RAB3C: variants seen among roughly 807,000 people sequenced by gnomAD.
RAB3C encodes the protein ras-related protein Rab-3C.
In RAB3C, 17 loss-of-function variants were observed where a neutral mutation model predicts 26.4. That is an observed-to-expected ratio of 0.64 (90% CI 0.44 to 0.97). RAB3C has a LOEUF of 0.97. RAB3C is among the 50% of genes least tolerant of loss of function. The pLI is 0.00. For synonymous variants in RAB3C, 91 were observed against 95.9 expected (o/e 0.95, Z 0.30); for missense variants, 242 against 281.9 (o/e 0.86, Z 1.01).
chr5:58,592,703 G>A (rs1369146533), intron 1 of RAB3C, among the ~76,000 whole-genome samples: 4 of 151,914 alleles, frequency 2.6e-5, no homozygotes, highest in African/African-American at 9.7e-5. Context: ...ATTTCTTGTT[G>A]ATTTTTTCAG....
rs777133241 is a variant in RAB3C, at chr5:58,851,395, ACAAACAG to A, written c.*47_*53del. The A allele has an allele frequency of 6.8e-7, 1 of 1,476,174 alleles. No homozygotes were observed. Among genetic ancestry groups the A allele is most frequent in the Non-Finnish European group, 9.1e-7 (1 of 1,097,098 alleles). 91.4% of individuals were successfully genotyped at this position (1,476,174 alleles called of 1,614,324 possible). ...CAGCTCCAGGGGGCTCTGGTTGCCAACAAACAGCATTTGTAAATGGTCTATTAGCCTT... is the reference window on the plus strand; with the variant it reads ...CAGCTCCAGGGGGCTCTGGTTGCCAACATTTGTAAATGGTCTATTAGCCTT... On this transcript the variant is annotated 3_prime_UTR_variant, in exon 5 of 5. Transcript: ENST00000282878.
At chr5:58,649,217 C>A (rs1170882792) in intron 2 of RAB3C, among the ~76,000 whole-genome samples, 1 of 152,104 alleles carries the variant, frequency 6.6e-6, no homozygotes, top group African/African-American at 2.4e-5. Flanking sequence ...GTCTGGTGAC[C>A]AAATGCCCAA....
At chr5:58,612,487 G>GGGGTGT (rs1746724744) in intron 1 of RAB3C, among the ~76,000 whole-genome samples, 1 of 113,048 alleles carries the variant, frequency 8.8e-6, no homozygotes, top group African/African-American at 4.0e-5. Context: ...TGTGTTCCTA[G>GGGGTGT]GTGTGTGTGT....
At chr5:58,763,005 G>A (rs1364071030) in intron 3 of RAB3C, among the ~76,000 whole-genome samples, 3 of 152,180 alleles carry the variant, frequency 2.0e-5, no homozygotes, top group Non-Finnish European at 4.4e-5. Context: ...TTTACATGGA[G>A]TAGAGCAATG....
At chr5:58,695,065 T>G (rs1483291543) in intron 2 of RAB3C, among the ~76,000 whole-genome samples, 1 of 152,232 alleles carries the variant, frequency 6.6e-6, no homozygotes, top group Non-Finnish European at 1.5e-5. Flanking sequence ...TGGTTTTAGG[T>G]CTAACATTTA....
chr5:58,667,153 C>T (rs1014684865), intron 2 of RAB3C, among the ~76,000 whole-genome samples: 1 of 152,126 alleles, frequency 6.6e-6, no homozygotes, highest in Non-Finnish European at 1.5e-5. Context: ...ATTGGTTTTA[C>T]GCACTGATGA....
At chr5:58,654,450 A>T (rs745880491) in intron 2 of RAB3C, among the ~76,000 whole-genome samples, 3 of 152,202 alleles carry the variant, frequency 2.0e-5, no homozygotes, top group Non-Finnish European at 4.4e-5. Context: ...TATATATGTG[A>T]TTATGCCATT....
At chr5:58,822,213 T>C (rs1743358542) in intron 3 of RAB3C, among the ~76,000 whole-genome samples, 2 of 152,170 alleles carry the variant, frequency 1.3e-5, no homozygotes, top group Non-Finnish European at 2.9e-5. Context: ...TTTTAATGAG[T>C]ATCATGGAAA....
At chr5:58,718,762 T>A (rs1261648885) in intron 2 of RAB3C, among the ~76,000 whole-genome samples, 3 of 152,062 alleles carry the variant, frequency 2.0e-5, no homozygotes, top group African/African-American at 4.8e-5. Flanking sequence ...TCACAGATGC[T>A]TGTATAACTG....
intron 3 of RAB3C, among the ~76,000 whole-genome samples, chr5:58,739,928 G>T (rs1288503490): frequency 6.6e-6 from 1 of 152,192 alleles, no homozygotes; most frequent in Admixed American, 6.5e-5. Context: ...TTAGTGGATG[G>T]TAGGAGAGGA....
chr5:58,706,842 T>G (rs553780913), intron 2 of RAB3C, among the ~76,000 whole-genome samples: 1 of 152,382 alleles, frequency 6.6e-6, no homozygotes, highest in East Asian at 1.9e-4. Context: ...AGTCAAAATC[T>G]ATACATATCC....
At chr5:58,694,118 T>A (rs1748639023) in intron 2 of RAB3C, among the ~76,000 whole-genome samples, 1 of 152,070 alleles carries the variant, frequency 6.6e-6, no homozygotes, top group Non-Finnish European at 1.5e-5. Context: ...TGGTGTGTGA[T>A]GTTCCCTGCC....
At chr5:58,650,321 T>C (rs1747617293) in intron 2 of RAB3C, among the ~76,000 whole-genome samples, 1 of 151,824 alleles carries the variant, frequency 6.6e-6, no homozygotes, top group Non-Finnish European at 1.5e-5. Flanking sequence ...GAGATCAGAG[T>C]CTATGAAGAA....
At chr5:58,758,856 CTT>C (rs572948810) in intron 3 of RAB3C, among the ~76,000 whole-genome samples, 2 of 145,202 alleles carry the variant, frequency 1.4e-5, no homozygotes, top group Admixed American at 6.9e-5. Context: ...GTTCCTTGGA[CTT>C]TTTTTTTTTT....
At position 58,799,004 on chromosome 5, in the gene RAB3C, C is replaced by T. The variant is rs1042717690; in HGVS notation, c.372-26034C>T. 3.3e-5 allele frequency among the ~76,000 whole-genome samples: 5 copies of T among 152,308 alleles called. No homozygotes were observed. In the East Asian group the frequency reaches 7.7e-4, roughly 24 times the overall value. On this transcript the variant is annotated intron_variant, in intron 3 of 4. Transcript: ENST00000282878. Reference sequence around the variant, plus strand: ...CAATAGCTAAATGTAATAATGTGTGCTCCTTAACTGGATCCTGGGGGGAAG... The same window carrying T: ...CAATAGCTAAATGTAATAATGTGTGTTCCTTAACTGGATCCTGGGGGGAAG...
At chr5:58,655,427 A>G (rs1434766240) in intron 2 of RAB3C, among the ~76,000 whole-genome samples, 1 of 152,222 alleles carries the variant, frequency 6.6e-6, no homozygotes, top group Non-Finnish European at 1.5e-5. Context: ...GAGACAGAGA[A>G]AGATAAAACC....
At position 58,731,717 on chromosome 5, in the gene RAB3C, C is replaced by T. The variant is rs551926748; in HGVS notation, c.371+5597C>T. On this transcript the variant is annotated intron_variant, in intron 3 of 4. Transcript: ENST00000282878. ...TATGAATAATGCATCTCAGGACAGA[C>T]TATCTGGTAGAAGGAAGGAAGAACT... Among the ~76,000 whole-genome samples, 3 of 152,268 alleles carry T rather than the reference C, an allele frequency of 2.0e-5. No homozygotes were observed. In the South Asian group the frequency reaches 6.2e-4, roughly 32 times the overall value.
chr5:58,620,251 A>T (rs2111727876), intron 2 of RAB3C, among the ~76,000 whole-genome samples: 2 of 152,284 alleles, frequency 1.3e-5, no homozygotes, highest in South Asian at 4.1e-4. Flanking sequence ...CATTACTATC[A>T]TTGCAATTAA....
At chr5:58,697,116 C>T (rs577126205) in intron 2 of RAB3C, among the ~76,000 whole-genome samples, 2 of 152,130 alleles carry the variant, frequency 1.3e-5, no homozygotes, top group Non-Finnish European at 2.9e-5. Context: ...GGTTCTGGTA[C>T]GTTGTGTCTT....
Sources: allele counts gnomAD v4.1 joint callset (sites outside exome capture counted in the v4.1 genomes callset), GRCh38; gene constraint gnomAD v4.1.1; transcripts MANE v1.5; gene names NCBI Gene and HGNC (gene_info 2026-07-23, HGNC 2026-07-21).